The following DCDC1 variants were observed in gnomAD, a reference collection of about 807,000 sequenced individuals.
DCDC1 encodes the protein doublecortin domain containing 1.
DCDC1 carries 200 observed loss-of-function variants against 178.3 expected under a neutral mutation model. The ratio of observed to expected loss-of-function variants is 1.12; its 90% confidence interval spans 1.00 to 1.26. The LOEUF is 1.26. DCDC1 is among the 50% of genes most tolerant of loss of function. The pLI is 0.00. For missense variants in DCDC1, 1,983 were observed against 1,749.2 expected (o/e 1.13, Z -2.38); for synonymous variants, 690 against 604.8 (o/e 1.14, Z -2.07).
intron 20 of DCDC1, among the ~76,000 whole-genome samples, chr11:31,014,950 C>CTT (rs1240423918): frequency 8.5e-5 from 12 of 141,286 alleles, no homozygotes; most frequent in African/African-American, 1.5e-4. Context: ...TTCTCCTTTT[C>CTT]TTTTTTTTTT....
chr11:31,308,704 C>G (rs1018437933), intron 3 of DCDC1, among the ~76,000 whole-genome samples: 1 of 152,026 alleles, frequency 6.6e-6, no homozygotes, highest in African/African-American at 2.4e-5. Flanking sequence ...ATATATTAAT[C>G]TATATAGACA....
intron 2 of DCDC1, among the ~76,000 whole-genome samples, chr11:31,328,820 A>G (rs1949791595): frequency 6.6e-6 from 1 of 151,568 alleles, no homozygotes; most frequent in Non-Finnish European, 1.5e-5. Context: ...CAAAAAAAAA[A>G]AAAAAAAGGA....
intron 4 of DCDC1, among the ~76,000 whole-genome samples, 163 bp from the exon 5 acceptor site, chr11:31,306,551 A>T (rs1447511392): frequency 6.6e-6 from 1 of 152,120 alleles, no homozygotes; most frequent in African/African-American, 2.4e-5. Context: ...TTGTTGTTAC[A>T]GAGTAACACT....
At chr11:31,175,029 C>T (rs375166664) in intron 9 of DCDC1, among the ~76,000 whole-genome samples, 47 of 152,254 alleles carry the variant, frequency 3.1e-4, no homozygotes, top group African/African-American at 4.6e-4. Flanking sequence ...AAATTGCAGT[C>T]GACAAGAAGG....
intron 9 of DCDC1, among the ~76,000 whole-genome samples, chr11:31,140,120 T>G (rs1963634612): frequency 6.6e-6 from 1 of 152,192 alleles, no homozygotes; most frequent in South Asian, 2.1e-4. Flanking sequence ...ATGGTAAGAT[T>G]CTTCTCTCCT....
chr11:31,268,873 A>G (rs1274880569), intron 7 of DCDC1, among the ~76,000 whole-genome samples: 2 of 152,114 alleles, frequency 1.3e-5, no homozygotes, highest in Non-Finnish European at 2.9e-5. Context: ...AGCCTTGCCA[A>G]TATCTGTTGT....
chr11:30,878,468 G>T, intron 38 of DCDC1, 76 bp downstream of exon 38: 1 of 1,280,546 alleles, frequency 7.8e-7, no homozygotes. Context: ...AAGAAAGAGG[G>T]GGGAACTGCA....
intron 26 of DCDC1, among the ~76,000 whole-genome samples, chr11:30,916,353 T>C (rs900168345): frequency 3.3e-5 from 5 of 152,226 alleles, no homozygotes; most frequent in East Asian, 1.9e-4. Flanking sequence ...TGTTGAAGTG[T>C]CAAAAATGTT....
At chr11:31,310,702 C>A (rs1016403969) in intron 3 of DCDC1, among the ~76,000 whole-genome samples, 19 of 151,936 alleles carry the variant, frequency 1.3e-4, no homozygotes, top group African/African-American at 4.6e-4. Context: ...GATTACATAC[C>A]CTTGCAAAGC....
chr11:31,175,061 C>T (rs1967804034), intron 9 of DCDC1, among the ~76,000 whole-genome samples: 1 of 152,202 alleles, frequency 6.6e-6, no homozygotes, highest in Non-Finnish European at 1.5e-5. Flanking sequence ...GAGAGAAGAG[C>T]TGAGGCCCTT....
intron 8 of DCDC1, among the ~76,000 whole-genome samples, chr11:31,260,521 G>A (rs1944711289): frequency 6.6e-6 from 1 of 152,168 alleles, no homozygotes; most frequent in Non-Finnish European, 1.5e-5. Context: ...AATAGGAAGT[G>A]AACATTCAGT....
intron 1 of DCDC1, among the ~76,000 whole-genome samples, chr11:31,350,665 T>C (rs537591516): frequency 3.8e-4 from 58 of 152,168 alleles, no homozygotes; most frequent in Non-Finnish European, 6.8e-4. Flanking sequence ...AGAAACAATA[T>C]GCTCATTGTT....
rs546254114 is a variant in DCDC1, at chr11:31,102,250, A to T, written c.1910T>A (p.Phe637Tyr). The T allele has an allele frequency of 1.4e-6, 1 of 729,176 alleles. No homozygotes were observed. The highest frequency in any genetic ancestry group is 1.7e-5 in the African/African-American group (1 of 58,760). The allele number at this position is 729,176 out of a possible 1,614,324, so 45.2% of individuals were successfully genotyped here. The change falls in exon 15 of 39, where the codon TTC becomes TAC. Residue 637 changes from phenylalanine to tyrosine, a missense_variant. By Grantham distance (22) the Phe-to-Tyr change is conservative. Transcript: ENST00000684477. ...WEVCEGFPIN[F>Y]NCTSQQIPDQ... is the part of the protein sequence containing the mutation. The stretch of plus-strand genomic sequence containing the variant: ...AGGTATCTGTTGACTGGTACAGTTG[A>T]AATTAATTGGAAATCCCTCACAAAC...
intron 9 of DCDC1, among the ~76,000 whole-genome samples, chr11:31,156,781 A>T (rs1965756266): frequency 6.6e-6 from 1 of 152,216 alleles, no homozygotes; most frequent in South Asian, 2.1e-4. Flanking sequence ...AATTCTGTTT[A>T]AAGATGATAA....
intron 20 of DCDC1, among the ~76,000 whole-genome samples, chr11:31,027,584 G>C (rs1182555039): frequency 6.6e-6 from 1 of 151,672 alleles, no homozygotes; most frequent in Non-Finnish European, 1.5e-5. Flanking sequence ...ATATAAATAG[G>C]GTTGAATAAT....
intron 9 of DCDC1, chr11:31,156,023 T>C (rs208098): frequency 0.7 from 105,773 of 152,132 alleles, 37,785 homozygotes; most frequent in East Asian, 0.96. Flanking sequence ...CTCAAACTTG[T>C]CTTGCCCAGC....
intron 9 of DCDC1, among the ~76,000 whole-genome samples, chr11:31,179,386 T>C (rs1018491899): frequency 1.3e-5 from 2 of 152,190 alleles, no homozygotes; most frequent in African/African-American, 4.8e-5. Flanking sequence ...CCGTTTATTG[T>C]AGCACTATTC....
At chr11:31,300,797 C>T (rs751351975) in intron 6 of DCDC1, among the ~76,000 whole-genome samples, 1 of 152,076 alleles carries the variant, frequency 6.6e-6, no homozygotes, top group Non-Finnish European at 1.5e-5. Flanking sequence ...TTTGTAAATG[C>T]ATTCAAGTTA....
chr11:31,213,195 TCCAA>T (rs1972998371), intron 9 of DCDC1, among the ~76,000 whole-genome samples: 1 of 138,220 alleles, frequency 7.2e-6, no homozygotes, highest in Non-Finnish European at 1.5e-5. Flanking sequence ...TTTGCTGTCC[TCCAA>T]GAAAGGCATG....
Sources: allele counts gnomAD v4.1 joint callset (sites outside exome capture counted in the v4.1 genomes callset), GRCh38; gene constraint gnomAD v4.1.1; transcripts MANE v1.5; gene names NCBI Gene and HGNC (gene_info 2026-07-23, HGNC 2026-07-21).